CHD8: variants seen among roughly 807,000 people sequenced by gnomAD.
CHD8 encodes the protein ATP-dependent chromatin remodeler CHD8.
A neutral mutation model predicts 279.2 loss-of-function variants in CHD8; 31 were observed. That is an observed-to-expected ratio of 0.11 (90% CI 0.08 to 0.15). CHD8 has a LOEUF of 0.15. CHD8 is among the 10% of genes least tolerant of loss of function. CHD8 has a pLI of 1.00. For missense variants in CHD8, 2,146 were observed against 3,230.5 expected, an observed-to-expected ratio of 0.66 and a Z score of 8.14; for synonymous variants, 1,081 against 1,139.6, an observed-to-expected ratio of 0.95 and a Z score of 1.04.
intron 37 of CHD8, among the ~76,000 whole-genome samples, chr14:21,389,889 A>T (rs1380812267): frequency 6.6e-6 from 1 of 152,234 alleles, no homozygotes; most frequent in Non-Finnish European, 1.5e-5. Flanking sequence ...GGGAAATCTC[A>T]TGACTATTTT....
At chr14:21,390,092 C>A (rs1489565200) in intron 37 of CHD8, among the ~76,000 whole-genome samples, 1 of 152,050 alleles carries the variant, frequency 6.6e-6, no homozygotes, top group Non-Finnish European at 1.5e-5. Flanking sequence ...AAGAATTAGC[C>A]TGGCCTGGTG....
At chr14:21,441,795 A>G (rs2139562892) in intron 1 of CHD8, among the ~76,000 whole-genome samples, 1 of 152,336 alleles carries the variant, frequency 6.6e-6, no homozygotes, top group South Asian at 2.1e-4. Context: ...AGGCTGAGGC[A>G]GGAGAATGGC....
chr14:21,427,951 C>G lies in CHD8; in HGVS notation c.1519G>C (p.Ala507Pro). The change falls in exon 4 of 38, where the codon GCT becomes CCT. Residue 507 changes from alanine to proline, a missense_variant. This residue lies in a region of CHD8 where 123 missense variants were observed against 169.2 expected (regional missense o/e 0.73). Coordinates refer to ENST00000646647, the MANE Select transcript of CHD8 (RefSeq NM_001170629.2). Reference protein sequence around the residue: ...EGEKKRRKKSAGERLKEEKPK... With the variant: ...EGEKKRRKKSPGERLKEEKPK... Reference sequence around the variant, plus strand: ...TTCTCCTCTTTCAGCCTCTCCCCAGCACTCTTCTTCCTGCGTTTCTTCTCG... The same window carrying G: ...TTCTCCTCTTTCAGCCTCTCCCCAGGACTCTTCTTCCTGCGTTTCTTCTCG... 1.2e-6 allele frequency: 2 copies of G among 1,614,080 alleles called. No individual in the cohort carries two copies. Among genetic ancestry groups the G allele is most frequent in the Non-Finnish European group, 8.5e-7 (1 of 1,179,900 alleles).
chr14:21,399,512 G>C (rs2139460499), intron 26 of CHD8, 90 bp downstream of exon 26: 1 of 863,782 alleles, frequency 1.2e-6, no homozygotes. Context: ...TCAGATAACT[G>C]AGTTATTTCT....
intron 1 of CHD8, among the ~76,000 whole-genome samples, chr14:21,451,297 C>T (rs551817590): frequency 1.3e-5 from 2 of 152,102 alleles, no homozygotes; most frequent in South Asian, 2.1e-4. Context: ...CGGCTGGGTG[C>T]GGTAGCTCAC....
At chr14:21,452,043 T>C (rs984901908) in intron 1 of CHD8, among the ~76,000 whole-genome samples, 12 of 152,148 alleles carry the variant, frequency 7.9e-5, no homozygotes, top group Non-Finnish European at 1.6e-4. Context: ...ATGCAGTAAA[T>C]GTTTTGTTGT....
intron 27 of CHD8, chr14:21,397,586 C>T: frequency 6.7e-6 from 3 of 449,270 alleles, no homozygotes; most frequent in South Asian, 6.4e-5. Context: ...GTAAACCAAA[C>T]CAAATAGAAC....
At chr14:21,420,742 C>T (rs955789039) in intron 5 of CHD8, among the ~76,000 whole-genome samples, 4 of 151,882 alleles carry the variant, frequency 2.6e-5, no homozygotes, top group Non-Finnish European at 5.9e-5. Flanking sequence ...CAGAGGCTAC[C>T]TGTTGTAATT....
chr14:21,403,530 A>G lies in CHD8; in HGVS notation c.3441T>C (p.Ala1147=). 1.9e-6 allele frequency: 3 copies of G among 1,613,854 alleles called. No individual in the cohort carries two copies. Among genetic ancestry groups the G allele is most frequent in the Non-Finnish European group, 2.5e-6 (3 of 1,179,824 alleles). Residue 1147 remains alanine (A), a synonymous_variant, in exon 17 of 38, where the codon GCT becomes GCC. Coordinates refer to ENST00000646647, the MANE Select transcript of CHD8 (RefSeq NM_001170629.2). This position sits in a 1 kb window ranked among gnomAD's most constrained non-coding sequence, Gnocchi z 4.3. ...AGAAGATCAGAACTTTATGGCCACC[A>G]GCTTTAAGCTTTGGAAGCAACTTGT... ...LIDKLLPKLK[A]GGHKVLIFSQ...
intron 1 of CHD8, chr14:21,454,859 C>T (rs1393883742): frequency 2.0e-5 from 3 of 152,170 alleles, no homozygotes; most frequent in Admixed American, 2.0e-4. Flanking sequence ...TGTTCTGAAA[C>T]CTATTGGATG....
chr14:21,394,360 G>C lies in CHD8; in HGVS notation c.5516C>G (p.Thr1839Arg). The C allele has an allele frequency of 6.2e-7, 1 of 1,614,004 alleles. No homozygotes were observed. The highest frequency in any genetic ancestry group is 8.5e-7 in the Non-Finnish European group (1 of 1,179,896). The change falls in exon 31 of 38, where the codon ACA becomes AGA. Residue 1839 changes from threonine to arginine, a missense_variant. This residue lies in a region of CHD8 where 513 missense variants were observed against 637.6 expected (regional missense o/e 0.80). Transcript: ENST00000646647. The stretch of plus-strand genomic sequence containing the variant: ...GAAGTACTTGGTAAGGCTTTCATCT[G>C]TCTTTTTGTCTAGTCGAGCAAAAGT... ...FRTFARLDKK[T>R]DESLTKYFHG...
chr14:21,401,281 G>T, intron 21 of CHD8, 122 bp downstream of exon 21: 2 of 751,978 alleles, frequency 2.7e-6, no homozygotes, highest in Non-Finnish European at 2.1e-6. Flanking sequence ...ATCCACAACA[G>T]CCCTTGTATA....
intron 9 of CHD8, chr14:21,414,082 C>T (rs1394441659): frequency 6.4e-6 from 3 of 469,724 alleles, no homozygotes; most frequent in African/African-American, 2.0e-5. Flanking sequence ...TTGAGGAAAT[C>T]AGTTTCAAAA....
chr14:21,415,947 C>G (rs369133906), intron 5 of CHD8, 40 bp from the exon 6 acceptor site: 15 of 1,529,594 alleles, frequency 9.8e-6, no homozygotes, highest in Admixed American at 3.9e-5. Flanking sequence ...AGTTAGGTCT[C>G]TCACAGAGAA....
In CHD8 at chr14:21,395,827, T is replaced by C. The variant is rs2139452291; in HGVS notation, c.5117A>G (p.Gln1706Arg). 19 of 1,602,482 alleles carry C rather than the reference T, an allele frequency of 1.2e-5. No individual in the cohort carries two copies. Among genetic ancestry groups the C allele is most frequent in the Non-Finnish European group, 1.6e-5 (19 of 1,170,214 alleles). ...ATGAGAATTCCTTACCTCATCATCT[T>C]GGTCCTTTGGGGGACCTTGGAGTGG... is the stretch of plus-strand genomic sequence containing the variant. The part of the protein sequence containing the change: ...YKPLQGPPKD[Q>R]DDEGDPLMMM... The change falls in exon 28 of 38, where the codon CAA (glutamine) becomes CGA (arginine). Residue 1706 changes from glutamine to arginine, a missense_variant. Physicochemically the swap from Gln to Arg is conservative, Grantham distance 43. Around this residue, in one of 26 missense-constraint regions of CHD8, gnomAD observed 75 missense variants for 81.3 expected, o/e 0.92. Transcript: ENST00000646647.
At chr14:21,450,898 G>A (rs1455129136) in intron 1 of CHD8, among the ~76,000 whole-genome samples, 2 of 152,158 alleles carry the variant, frequency 1.3e-5, no homozygotes, top group African/African-American at 4.8e-5. Flanking sequence ...CATTTAAGGT[G>A]CTAACATACA....
intron 1 of CHD8, among the ~76,000 whole-genome samples, chr14:21,444,950 T>C (rs1890075411): frequency 6.6e-6 from 1 of 152,202 alleles, no homozygotes; most frequent in Non-Finnish European, 1.5e-5. Flanking sequence ...ATAGCTTTTC[T>C]TGGTAGACTC....
At chr14:21,430,501 T>C (rs958947033) in intron 2 of CHD8, 1 of 289,518 alleles carries the variant, frequency 3.5e-6, no homozygotes, top group Non-Finnish European at 6.5e-6. Flanking sequence ...TTGTGAACTC[T>C]TGCTTAATAT....
At position 21,428,254 on chromosome 14, in the gene CHD8, C is replaced by G. The variant is rs1211379673; in HGVS notation, c.1216G>C (p.Ala406Pro). 1.2e-6 allele frequency: 2 copies of G among 1,612,106 alleles called. No homozygotes were observed. The highest frequency in any genetic ancestry group is 1.7e-6 in the Non-Finnish European group (2 of 1,179,012). ...VPVKVVLQPQ[A>P]GSSQGASSGL... ...GAAGAGGCCCCTTGGGAAGAGCCAG[C>G]CTATAGAAACAAAGATACTACAATT... Residue 406 changes from alanine (A) to proline (P), a missense_variant and splice_region_variant, in exon 4 of 38, where the codon GCT (alanine) becomes CCT (proline). Physicochemically the swap from Ala to Pro is conservative, Grantham distance 27 (BLOSUM62 -1). Coordinates refer to ENST00000646647, the MANE Select transcript of CHD8 (RefSeq NM_001170629.2).
Sources: gnomAD v4.1 joint callset for allele counts (sites outside exome capture counted in the v4.1 genomes callset) on GRCh38, gnomAD v4.1.1 for gene constraint, gnomAD v4.1.1 regional missense constraint, Gnocchi (gnomAD v3.1) non-coding constraint, MANE v1.5 for transcripts, NCBI Gene and HGNC (gene_info 2026-07-23, HGNC 2026-07-21) for gene names.